The following ST6GALNAC5 variants were observed in gnomAD, a reference collection of about 807,000 sequenced individuals.
The protein encoded by ST6GALNAC5 is alpha-N-acetylgalactosaminide alpha-2,6-sialyltransferase 5.
ST6GALNAC5 carries 27 observed loss-of-function variants against 33.6 expected under a neutral mutation model. The ratio of observed to expected loss-of-function variants is 0.80; its 90% CI spans 0.59 to 1.11. The LOEUF (loss-of-function observed/expected upper bound fraction) is 1.11, where lower values mean the gene tolerates loss of function less well. ST6GALNAC5 is among the 50% of genes least tolerant of loss of function. ST6GALNAC5 has a pLI of 0.00. For missense variants in ST6GALNAC5, 428 were observed against 454.0 expected (o/e 0.94, Z 0.52); for synonymous variants, 194 against 171.2 (o/e 1.13, Z -1.04).
intron 2 of ST6GALNAC5, among the ~76,000 whole-genome samples, chr1:76,903,235 T>C (rs571075741): frequency 6.6e-6 from 1 of 152,246 alleles, no homozygotes; most frequent in Admixed American, 6.5e-5. Context: ...AGAATCTCAA[T>C]AGACGTATCT....
intron 2 of ST6GALNAC5, among the ~76,000 whole-genome samples, chr1:76,937,845 C>T (rs571901532): frequency 4.6e-5 from 7 of 152,144 alleles, no homozygotes; most frequent in East Asian, 3.9e-4. Context: ...CCAATTTGAA[C>T]GCCTTATGAC....
chr1:76,980,304 A>C (rs1649197827), intron 2 of ST6GALNAC5, among the ~76,000 whole-genome samples: 1 of 152,084 alleles, frequency 6.6e-6, no homozygotes, highest in African/African-American at 2.4e-5. Flanking sequence ...AAAACTTTTT[A>C]ACATTTAGGT....
chr1:76,869,252 G>A lies in ST6GALNAC5; in HGVS notation c.261+510G>A, dbSNP rs138024240. On this transcript the variant is annotated intron_variant, in intron 2 of 4. Coordinates refer to ENST00000477717, the MANE Select transcript of ST6GALNAC5 (RefSeq NM_030965.3). ...GGCTGAATTCTCTCAGCCCTGGGGA[G>A]TGGTGCCCAGGCAGGCATGGAAGAC... Among the ~76,000 whole-genome samples, 11 of 152,288 alleles carry A rather than the reference G, an allele frequency of 7.2e-5. No homozygotes were observed. In the East Asian group the frequency reaches 1.4e-3, roughly 19 times the overall value.
rs569288131 is a variant in ST6GALNAC5, at chr1:76,902,402, A to G, written c.261+33660A>G. On this transcript the variant is annotated intron_variant, in intron 2 of 4. Coordinates refer to ENST00000477717, the MANE Select transcript of ST6GALNAC5 (RefSeq NM_030965.3). Reference sequence around the variant, plus strand: ...ATAAGTAGAAAAACAGCCCATGTTCATGGACAAGAAGATTTTAATCTTGTT... The same window carrying G: ...ATAAGTAGAAAAACAGCCCATGTTCGTGGACAAGAAGATTTTAATCTTGTT... 1.7e-3 allele frequency among the ~76,000 whole-genome samples: 266 copies of G among 152,286 alleles called. 1 individual carries two copies. Among genetic ancestry groups the G allele is most frequent in the African/African-American group, 6.0e-3 (248 of 41,574 alleles).
intron 2 of ST6GALNAC5, among the ~76,000 whole-genome samples, chr1:76,915,990 C>T (rs1281880274): frequency 6.6e-6 from 1 of 150,640 alleles, no homozygotes; most frequent in Non-Finnish European, 1.5e-5. Flanking sequence ...ATAAAGGTAA[C>T]AGTGATCTGG....
intron 2 of ST6GALNAC5, among the ~76,000 whole-genome samples, chr1:76,956,455 C>T (rs1247557236): frequency 2.0e-5 from 3 of 152,120 alleles, no homozygotes. Context: ...AAGACTGGCT[C>T]CAGAGTCCAC....
At chr1:77,017,861 T>C (rs1372612321) in intron 2 of ST6GALNAC5, among the ~76,000 whole-genome samples, 1 of 152,188 alleles carries the variant, frequency 6.6e-6, no homozygotes, top group East Asian at 1.9e-4. Flanking sequence ...CATAATATAG[T>C]ACAATGGAAA....
At chr1:76,972,887 C>A in intron 2 of ST6GALNAC5, among the ~76,000 whole-genome samples, 1 of 151,514 alleles carries the variant, frequency 6.6e-6, no homozygotes, top group Non-Finnish European at 1.5e-5. Context: ...TTCTGTGTAA[C>A]TTTTTTTTTG....
chr1:77,022,143 G>C (rs1651075765), intron 2 of ST6GALNAC5, among the ~76,000 whole-genome samples: 1 of 152,114 alleles, frequency 6.6e-6, no homozygotes. Context: ...TCTAATGAAA[G>C]CTTTCACTTG....
At chr1:76,917,805 A>G (rs1646990769) in intron 2 of ST6GALNAC5, among the ~76,000 whole-genome samples, 1 of 152,152 alleles carries the variant, frequency 6.6e-6, no homozygotes. Flanking sequence ...AGTAGGCTGA[A>G]GACCCAAGAA....
intron 2 of ST6GALNAC5, among the ~76,000 whole-genome samples, chr1:76,932,757 G>C (rs1766283): frequency 0.59 from 89,454 of 151,844 alleles, 26,665 homozygotes; most frequent in African/African-American, 0.64. Context: ...CTTTGCTCAT[G>C]CCTCTTGGCT....
intron 2 of ST6GALNAC5, among the ~76,000 whole-genome samples, chr1:76,881,821 T>A (rs1235388621): frequency 1.3e-5 from 2 of 152,236 alleles, no homozygotes; most frequent in East Asian, 1.9e-4. Flanking sequence ...CTTCTTGTAC[T>A]AATCAGATCT....
intron 2 of ST6GALNAC5, among the ~76,000 whole-genome samples, chr1:76,982,387 A>T (rs1649294530): frequency 6.6e-6 from 1 of 152,222 alleles, no homozygotes; most frequent in Non-Finnish European, 1.5e-5. Context: ...CAATAGCTGA[A>T]TCAATCAAGT....
intron 2 of ST6GALNAC5, among the ~76,000 whole-genome samples, chr1:76,974,207 CTTTT>C (rs766393000): frequency 2.5e-5 from 3 of 120,280 alleles, no homozygotes; most frequent in Non-Finnish European, 5.3e-5. Context: ...TTGCTTTTCA[CTTTT>C]TTTTTTTTTT....
At chr1:77,015,884 G>A (rs182668287) in intron 2 of ST6GALNAC5, among the ~76,000 whole-genome samples, 4 of 151,970 alleles carry the variant, frequency 2.6e-5, no homozygotes, top group Non-Finnish European at 4.4e-5. Context: ...GAGAGAGGTG[G>A]GCTGGAGAGA....
intron 2 of ST6GALNAC5, among the ~76,000 whole-genome samples, chr1:77,008,347 C>T (rs994450966): frequency 1.3e-5 from 2 of 152,034 alleles, no homozygotes; most frequent in Non-Finnish European, 2.9e-5. Context: ...CAGATGTGTC[C>T]GTTACTAGCT....
intron 2 of ST6GALNAC5, among the ~76,000 whole-genome samples, chr1:76,924,189 T>C (rs1209109839): frequency 6.6e-6 from 1 of 152,118 alleles, no homozygotes; most frequent in African/African-American, 2.4e-5. Flanking sequence ...CAAACCAGAT[T>C]CTGTTCAGTA....
At chr1:76,913,188 G>T in intron 2 of ST6GALNAC5, among the ~76,000 whole-genome samples, 1 of 151,386 alleles carries the variant, frequency 6.6e-6, no homozygotes, top group East Asian at 1.9e-4. Context: ...AGCTTAGTTT[G>T]GCTGGATATG....
At chr1:77,016,392 A>G (rs1225717272) in intron 2 of ST6GALNAC5, among the ~76,000 whole-genome samples, 1 of 151,398 alleles carries the variant, frequency 6.6e-6, no homozygotes, top group Non-Finnish European at 1.5e-5. Context: ...TTATTGATAC[A>G]TAATAATTAC....
Sources: gnomAD v4.1 joint callset for allele counts (sites outside exome capture counted in the v4.1 genomes callset) on GRCh38, gnomAD v4.1.1 for gene constraint, MANE v1.5 for transcripts, NCBI Gene and HGNC (gene_info 2026-07-23, HGNC 2026-07-21) for gene names.